The following WBP1L variants were observed in gnomAD, a reference collection of about 807,000 sequenced individuals.
The protein encoded by WBP1L is WW domain binding protein 1 like.
A neutral mutation model predicts 33.7 loss-of-function variants in WBP1L; 17 were observed. That is an observed-to-expected ratio of 0.50 (90% CI 0.34 to 0.76). The LOEUF is 0.76. Among genes scored for constraint, WBP1L ranks in the 30% least tolerant of loss-of-function variants. WBP1L has a pLI of 0.01. For missense variants in WBP1L, 389 were observed against 469.4 expected, an observed-to-expected ratio of 0.83 and a Z score of 1.58; for synonymous variants, 173 against 190.8, an observed-to-expected ratio of 0.91 and a Z score of 0.77.
intron 1 of WBP1L, among the ~76,000 whole-genome samples, chr10:102,754,742 C>G (rs902691872): frequency 1.3e-5 from 2 of 151,658 alleles, no homozygotes; most frequent in African/African-American, 2.4e-5. Flanking sequence ...TCTCGCTATG[C>G]TGCCCAGGCT....
intron 2 of WBP1L, among the ~76,000 whole-genome samples, chr10:102,806,844 A>C (rs1164523410): frequency 7.2e-5 from 11 of 152,194 alleles, no homozygotes; most frequent in Non-Finnish European, 1.5e-4. Flanking sequence ...CAATGGGGGC[A>C]TTCCAGGGGG....
At chr10:102,778,119 G>A (rs576873206) in intron 1 of WBP1L, among the ~76,000 whole-genome samples, 4 of 152,302 alleles carry the variant, frequency 2.6e-5, no homozygotes, top group Non-Finnish European at 4.4e-5. Flanking sequence ...GGGATTCCAC[G>A]AAAGAATGTA....
intron 1 of WBP1L, among the ~76,000 whole-genome samples, chr10:102,773,746 C>T (rs892920456): frequency 1.3e-5 from 2 of 151,568 alleles, no homozygotes; most frequent in Non-Finnish European, 2.9e-5. Context: ...AAAAACTTAG[C>T]TGAGTGTGGT....
intron 1 of WBP1L, among the ~76,000 whole-genome samples, chr10:102,745,179 A>G (rs1842851364): frequency 6.6e-6 from 1 of 152,250 alleles, no homozygotes; most frequent in Non-Finnish European, 1.5e-5. Flanking sequence ...TGTGTTGTGA[A>G]CAAGAGCAGA....
chr10:102,809,788 G>C, intron 2 of WBP1L, 105 bp from the exon 3 acceptor site: 2 of 1,331,458 alleles, frequency 1.5e-6, no homozygotes, highest in South Asian at 1.4e-5. Flanking sequence ...AGCCATGCCA[G>C]CTTCAACCAC....
At position 102,803,670 on chromosome 10, in the gene WBP1L, G is replaced by T. The variant is rs1171248289; in HGVS notation, c.193+5575G>T. Among the ~76,000 whole-genome samples the T allele has an allele frequency of 2.0e-5, 3 of 150,852 alleles. No homozygotes were observed. The South Asian group carries it at 6.3e-4, about 32-fold the overall frequency. ...GTTGCCCAGGCTGGAGTGCAGTGGC[G>T]CTATCTTGGCTCACTGCAAGCTCCG... On this transcript the variant is annotated intron_variant, in intron 2 of 3. Transcript: ENST00000448841.
intron 1 of WBP1L, among the ~76,000 whole-genome samples, chr10:102,774,969 G>A (rs55881779): frequency 3.3e-5 from 5 of 151,866 alleles, no homozygotes; most frequent in Non-Finnish European, 7.4e-5. Flanking sequence ...ACAAAAATTA[G>A]CTGCGCATGG....
intron 1 of WBP1L, among the ~76,000 whole-genome samples, chr10:102,752,739 G>A (rs1178614982): frequency 1.3e-5 from 2 of 151,930 alleles, no homozygotes; most frequent in Non-Finnish European, 2.9e-5. Flanking sequence ...TCTGATTTTC[G>A]GCCTCAGGAA....
At chr10:102,775,228 C>G (rs1285545724) in intron 1 of WBP1L, among the ~76,000 whole-genome samples, 1 of 151,408 alleles carries the variant, frequency 6.6e-6, no homozygotes, top group East Asian at 1.9e-4. Flanking sequence ...ACCTTTTGTG[C>G]TGTGCAAGTG....
intron 2 of WBP1L, among the ~76,000 whole-genome samples, chr10:102,806,185 A>C (rs1210113391): frequency 6.6e-6 from 1 of 152,018 alleles, no homozygotes; most frequent in East Asian, 1.9e-4. Context: ...ACTCCAGCCT[A>C]AGCGACAGAA....
At chr10:102,798,211 G>A in intron 2 of WBP1L, 116 bp downstream of exon 2, 1 of 814,570 alleles carries the variant, frequency 1.2e-6, no homozygotes, top group Non-Finnish European at 2.0e-6. Context: ...GTGTTGGTGA[G>A]TGGAATCTGT....
At chr10:102,788,584 G>C (rs1372532626) in intron 1 of WBP1L, among the ~76,000 whole-genome samples, 1 of 152,128 alleles carries the variant, frequency 6.6e-6, no homozygotes, top group Admixed American at 6.6e-5. Context: ...CTAAGTTAAA[G>C]TTGTTTGCTG....
intron 1 of WBP1L, among the ~76,000 whole-genome samples, chr10:102,749,638 T>A (rs563896669): frequency 1.3e-5 from 2 of 151,490 alleles, no homozygotes; most frequent in Non-Finnish European, 2.9e-5. Flanking sequence ...TAAAAAAATT[T>A]TTTTATAGAG....
intron 2 of WBP1L, among the ~76,000 whole-genome samples, chr10:102,799,569 A>T (rs1843622291): frequency 6.6e-6 from 1 of 152,136 alleles, no homozygotes; most frequent in African/African-American, 2.4e-5. Context: ...TGCTTAGGAC[A>T]GCGAGGCCCC....
chr10:102,790,263 T>A (rs1843477088), intron 1 of WBP1L, among the ~76,000 whole-genome samples: 1 of 152,196 alleles, frequency 6.6e-6, no homozygotes, highest in Non-Finnish European at 1.5e-5. Context: ...TTGAGTTTTT[T>A]CTTTCAATAA....
intron 1 of WBP1L, among the ~76,000 whole-genome samples, chr10:102,777,183 C>T (rs992207299): frequency 6.6e-6 from 1 of 152,152 alleles, no homozygotes; most frequent in Non-Finnish European, 1.5e-5. Flanking sequence ...CAGACACCCC[C>T]ACCCCCTCTT....
chr10:102,757,705 T>A (rs148718174), intron 1 of WBP1L, among the ~76,000 whole-genome samples: 1 of 150,724 alleles, frequency 6.6e-6, no homozygotes, highest in African/African-American at 2.4e-5. Flanking sequence ...GCCTCCTTAG[T>A]AGCTGGGACT....
intron 2 of WBP1L, among the ~76,000 whole-genome samples, chr10:102,802,198 G>A (rs1007194157): frequency 6.9e-6 from 1 of 144,114 alleles, no homozygotes; most frequent in Admixed American, 7.2e-5. Flanking sequence ...CTGGAGTGTA[G>A]TGGTATGATC....
At chr10:102,754,197 C>T (rs1266114981) in intron 1 of WBP1L, among the ~76,000 whole-genome samples, 1 of 152,190 alleles carries the variant, frequency 6.6e-6, no homozygotes, top group African/African-American at 2.4e-5. Flanking sequence ...AACTTAAATA[C>T]AGAATTGAAT....
Sources: gnomAD v4.1 joint callset for allele counts (sites outside exome capture counted in the v4.1 genomes callset) on GRCh38, gnomAD v4.1.1 for gene constraint, MANE v1.5 for transcripts, NCBI Gene and HGNC (gene_info 2026-07-23, HGNC 2026-07-21) for gene names.